The following CTNNA1 variants were observed in gnomAD, a reference collection of about 807,000 sequenced individuals.
CTNNA1 encodes the protein catenin alpha-1.
CTNNA1 carries 37 observed loss-of-function variants against 98.4 expected under a neutral mutation model. That is an observed-to-expected ratio of 0.38 (90% confidence interval 0.29 to 0.49). The LOEUF (loss-of-function observed/expected upper bound fraction) is 0.49. Among genes scored for constraint, CTNNA1 ranks in the 20% least tolerant of loss-of-function variants. The pLI is 0.95. For synonymous variants in CTNNA1, 404 were observed against 413.2 expected, an observed-to-expected ratio of 0.98 and a Z score of 0.27; for missense variants, 761 against 1,147.2, an observed-to-expected ratio of 0.66 and a Z score of 4.86.
At chr5:138,847,832 C>T (rs1329848381) in intron 7 of CTNNA1, among the ~76,000 whole-genome samples, 1 of 152,154 alleles carries the variant, frequency 6.6e-6, no homozygotes, top group Non-Finnish European at 1.5e-5. Context: ...GCTTAATAGT[C>T]ATTAAGTTTG....
At chr5:138,824,844 C>G (rs199858133) in intron 6 of CTNNA1, 45 bp downstream of exon 6, 2 of 1,570,738 alleles carry the variant, frequency 1.3e-6, no homozygotes, top group East Asian at 4.5e-5. Flanking sequence ...GACCATCCCC[C>G]AAAAGATAAC....
At chr5:138,885,818 C>CA (rs1408353132) in intron 7 of CTNNA1, among the ~76,000 whole-genome samples, 4 of 152,166 alleles carry the variant, frequency 2.6e-5, no homozygotes, top group Admixed American at 2.6e-4. Context: ...CTTCAGATCT[C>CA]AGAGTTCATC....
At position 138,776,573 on chromosome 5, in the gene CTNNA1, C is replaced by T. The variant is rs531298880; in HGVS notation, c.-2-5350C>T. Among the ~76,000 whole-genome samples the T allele has an allele frequency of 1.2e-4, 18 of 152,276 alleles. No individual in the cohort carries two copies. The South Asian group carries it at 1.9e-3, about 16-fold the overall frequency. ...TGAGCTGCTGGGCACACCTCCCAGACGGGGTGGTGGCCGAGCAGAGGGGTT... is the reference window on the plus strand; with the variant it reads ...TGAGCTGCTGGGCACACCTCCCAGATGGGGTGGTGGCCGAGCAGAGGGGTT... On this transcript the variant is annotated intron_variant, in intron 1 of 17. Coordinates refer to ENST00000302763, the MANE Select transcript of CTNNA1 (RefSeq NM_001903.5).
At chr5:138,837,422 C>T (rs775517233) in intron 7 of CTNNA1, among the ~76,000 whole-genome samples, 1 of 150,814 alleles carries the variant, frequency 6.6e-6, no homozygotes, top group African/African-American at 2.4e-5. Context: ...TCCTTCTCCT[C>T]CTCCTCCTTC....
At position 138,873,415 on chromosome 5, in the gene CTNNA1, T is replaced by G; in HGVS notation, c.1063-12797T>G. 1 of 1,614,036 alleles carries G rather than the reference T, an allele frequency of 6.2e-7. No individual in the cohort carries two copies. The highest frequency in any genetic ancestry group is 8.5e-7 in the Non-Finnish European group (1 of 1,179,904). ...GGTAACTTGATGAGCTTATTCTTTT[T>G]GTATATTCAGTGGTTGGATCTCTAT... On this transcript the variant is annotated intron_variant, in intron 7 of 17. Coordinates refer to ENST00000302763, the MANE Select transcript of CTNNA1 (RefSeq NM_001903.5). The surrounding 1 kb of genome is among the most constrained non-coding windows in gnomAD (Gnocchi z 6.1).
At position 138,783,350 on chromosome 5, in the gene CTNNA1, T is replaced by C. The variant is rs1580984780; in HGVS notation, c.279T>C (p.Ala93=). ...TTCTCAAGGAGGAGCTTGTGGCTGCTGTAGAAGATGTTCGAAAACAAGGTA... is the reference window on the plus strand; with the variant it reads ...TTCTCAAGGAGGAGCTTGTGGCTGCCGTAGAAGATGTTCGAAAACAAGGTA... ...SQFLKEELVA[A]VEDVRKQGDL... is the part of the protein sequence containing the mutation. Residue 93 remains alanine (A), a synonymous_variant, in exon 3 of 18, where the codon GCT becomes GCC. Transcript: ENST00000302763. The C allele has an allele frequency of 6.2e-7, 1 of 1,613,688 alleles. No individual in the cohort carries two copies. The highest frequency in any genetic ancestry group is 8.5e-7 in the Non-Finnish European group (1 of 1,179,696).
chr5:138,783,849 G>C (rs1480591645), intron 3 of CTNNA1, among the ~76,000 whole-genome samples: 4 of 152,188 alleles, frequency 2.6e-5, no homozygotes, highest in African/African-American at 7.2e-5. Context: ...TTGTCCTATT[G>C]TGTCAGAATA....
chr5:138,923,754 C>A (rs10054682), intron 11 of CTNNA1, among the ~76,000 whole-genome samples: 1 of 152,028 alleles, frequency 6.6e-6, no homozygotes, highest in African/African-American at 2.4e-5. Flanking sequence ...CAGATGAGTT[C>A]GAGCAAACCC....
intron 3 of CTNNA1, among the ~76,000 whole-genome samples, chr5:138,795,251 G>C (rs1372524088): frequency 6.6e-6 from 1 of 151,770 alleles, no homozygotes; most frequent in Non-Finnish European, 1.5e-5. Context: ...CACGAGGTCA[G>C]GGGTTTGAGA....
chr5:138,929,062 C>G (rs140346931), intron 13 of CTNNA1, among the ~76,000 whole-genome samples, 184 bp from the exon 14 acceptor site: 68 of 152,312 alleles, frequency 4.5e-4, no homozygotes, highest in African/African-American at 1.6e-3. Flanking sequence ...AGCGTGTGCA[C>G]CAGTGAAGCA....
At chr5:138,931,627 T>C in intron 16 of CTNNA1, 1 of 985,416 alleles carries the variant, frequency 1.0e-6, no homozygotes, top group Non-Finnish European at 1.2e-6. Flanking sequence ...CACAAACCAG[T>C]CTTGTCCTTT....
intron 10 of CTNNA1, among the ~76,000 whole-genome samples, chr5:138,910,226 CTTTTTTTTTTT>C (rs70982740): frequency 2.2e-3 from 118 of 53,280 alleles, no homozygotes; most frequent in African/African-American, 8.6e-3. Flanking sequence ...TCCTACTTTT[CTTTTTTTTTTT>C]TTTTTTTTTT....
intron 1 of CTNNA1, among the ~76,000 whole-genome samples, chr5:138,774,638 T>C (rs1220078150): frequency 1.3e-5 from 2 of 152,040 alleles, no homozygotes; most frequent in Middle Eastern, 3.2e-3. Flanking sequence ...CTTTTTTTTT[T>C]TGAGGCGGAG....
In CTNNA1 at chr5:138,932,741, C is replaced by T. The variant is rs1454278286; in HGVS notation, c.2433+29C>T. 1.9e-6 allele frequency: 3 copies of T among 1,613,248 alleles called. No homozygotes were observed. In the African/African-American group the frequency reaches 4.0e-5, roughly 22 times the overall value. ...AGCATTAGCTGAACAAAAAGAGGGC[C>T]AGTGGGAACGTGCTGACCCTTGTCA... On this transcript the variant is annotated intron_variant, in intron 17 of 17. Transcript: ENST00000302763.
chr5:138,814,141 G>A (rs1759156626), intron 5 of CTNNA1, among the ~76,000 whole-genome samples: 1 of 152,118 alleles, frequency 6.6e-6, no homozygotes, highest in Non-Finnish European at 1.5e-5. Flanking sequence ...CATAAGATGT[G>A]ATCAGACTAA....
intron 1 of CTNNA1, among the ~76,000 whole-genome samples, chr5:138,776,631 G>T (rs1391665817): frequency 1.3e-5 from 2 of 151,762 alleles, no homozygotes; most frequent in African/African-American, 2.4e-5. Flanking sequence ...CCGGGCAGAG[G>T]CGCCCCTCAC....
In CTNNA1 at chr5:138,842,983, C is replaced by T. The variant is rs1163139795; in HGVS notation, c.1062+15265C>T. Among the ~76,000 whole-genome samples the T allele has an allele frequency of 8.5e-5, 13 of 152,188 alleles. No individual in the cohort carries two copies. In the South Asian group the frequency reaches 2.7e-3, roughly 32 times the overall value. ...ACCATTTTCTTAAAACCACTCTGAA[C>T]CTGGAATTACACTAATTTGGGGGTT... On this transcript the variant is annotated intron_variant, in intron 7 of 17. Coordinates refer to ENST00000302763, the MANE Select transcript of CTNNA1 (RefSeq NM_001903.5).
At chr5:138,810,925 C>G (rs1370439140) in intron 4 of CTNNA1, among the ~76,000 whole-genome samples, 1 of 140,190 alleles carries the variant, frequency 7.1e-6, no homozygotes, top group African/African-American at 2.5e-5. Flanking sequence ...GGGGGCTGAC[C>G]CCCCCACCTC....
intron 5 of CTNNA1, among the ~76,000 whole-genome samples, chr5:138,823,073 C>T (rs1315515624): frequency 6.6e-5 from 10 of 152,284 alleles, no homozygotes; most frequent in African/African-American, 2.4e-4. Flanking sequence ...TTAACATTGA[C>T]ATTTTAACAT....
Sources: gnomAD v4.1 joint callset for allele counts (sites outside exome capture counted in the v4.1 genomes callset) on GRCh38, gnomAD v4.1.1 for gene constraint, Gnocchi (gnomAD v3.1) non-coding constraint, MANE v1.5 for transcripts, NCBI Gene and HGNC (gene_info 2026-07-23, HGNC 2026-07-21) for gene names.